KATNAL1: variants seen among roughly 807,000 people sequenced by gnomAD.
KATNAL1 encodes the protein katanin p60 ATPase-containing subunit A-like 1.
KATNAL1 carries 32 observed loss-of-function variants against 55.2 expected under a neutral mutation model. That is an observed-to-expected ratio of 0.58 (90% confidence interval 0.44 to 0.78). The LOEUF (loss-of-function observed/expected upper bound fraction) is 0.78. KATNAL1 is among the 30% of genes least tolerant of loss of function. KATNAL1 has a pLI of 0.00. For synonymous variants in KATNAL1, 193 were observed against 193.6 expected, an observed-to-expected ratio of 1.00 and a Z score of 0.02; for missense variants, 466 against 600.9, an observed-to-expected ratio of 0.78 and a Z score of 2.35.
At chr13:30,224,647 A>G (rs1291810541) in intron 9 of KATNAL1, among the ~76,000 whole-genome samples, 1 of 152,176 alleles carries the variant, frequency 6.6e-6, no homozygotes, top group Non-Finnish European at 1.5e-5. Context: ...AATTTTTTTA[A>G]CAGAGAAGAA....
chr13:30,217,529 G>A (rs746474366), intron 9 of KATNAL1, among the ~76,000 whole-genome samples: 3 of 152,184 alleles, frequency 2.0e-5, no homozygotes, highest in Non-Finnish European at 4.4e-5. Context: ...TAATCATAGT[G>A]TAACAAACTG....
intron 8 of KATNAL1, among the ~76,000 whole-genome samples, chr13:30,228,148 G>A (rs1209042496): frequency 6.6e-6 from 1 of 152,000 alleles, no homozygotes; most frequent in Non-Finnish European, 1.5e-5. Context: ...TATATACACA[G>A]TGTCTCCTTT....
intron 3 of KATNAL1, among the ~76,000 whole-genome samples, chr13:30,272,575 C>T (rs1379441624): frequency 2.6e-5 from 4 of 152,070 alleles, no homozygotes; most frequent in African/African-American, 9.7e-5. Flanking sequence ...TGACTTACCA[C>T]TATCTTGTTC....
chr13:30,269,103 C>G (rs1593917553), intron 3 of KATNAL1, among the ~76,000 whole-genome samples: 1 of 152,092 alleles, frequency 6.6e-6, no homozygotes, highest in South Asian at 2.1e-4. Flanking sequence ...CTCTCTCCCT[C>G]TCTTTCCATG....
intron 4 of KATNAL1, among the ~76,000 whole-genome samples, chr13:30,254,906 GA>G (rs1200024907): frequency 2.0e-5 from 3 of 151,970 alleles, no homozygotes. Flanking sequence ...AATTTCCACC[GA>G]ATACTATGTT....
intron 6 of KATNAL1, among the ~76,000 whole-genome samples, chr13:30,232,998 T>G (rs1327971508): frequency 6.6e-6 from 1 of 152,074 alleles, no homozygotes; most frequent in Non-Finnish European, 1.5e-5. Flanking sequence ...GTTAAAAACC[T>G]CAAACTATGA....
intron 1 of KATNAL1, among the ~76,000 whole-genome samples, chr13:30,305,217 C>A (rs941042063): frequency 6.6e-6 from 1 of 152,164 alleles, no homozygotes; most frequent in Non-Finnish European, 1.5e-5. Context: ...AATATGGTGC[C>A]AAGTACTTTA....
At chr13:30,212,137 AG>A (rs35182464) in intron 9 of KATNAL1, among the ~76,000 whole-genome samples, 1 of 151,908 alleles carries the variant, frequency 6.6e-6, no homozygotes, top group Non-Finnish European at 1.5e-5. Context: ...CAATGACCTC[AG>A]GGAAGTATTC....
At chr13:30,241,872 G>C (rs1877314507) in intron 4 of KATNAL1, among the ~76,000 whole-genome samples, 2 of 152,130 alleles carry the variant, frequency 1.3e-5, no homozygotes, top group South Asian at 4.1e-4. Context: ...CAAGCCACTA[G>C]GTAAGTGACC....
At chr13:30,224,156 ATAG>A (rs1481223693) in intron 9 of KATNAL1, among the ~76,000 whole-genome samples, 1 of 152,194 alleles carries the variant, frequency 6.6e-6, no homozygotes, top group Non-Finnish European at 1.5e-5. Flanking sequence ...TTCTAACTTA[ATAG>A]TAGAAAAAAT....
rs1261260832 is a variant in KATNAL1 at position 30,230,515 on chromosome 13, T to C, written c.965A>G (p.His322Arg). 1.2e-6 allele frequency: 2 copies of C among 1,613,256 alleles called. No homozygotes were observed. The highest frequency in any genetic ancestry group is 2.2e-5 in the East Asian group (1 of 44,858). ...AGACTTGACCCTGCGACTTGCCTCA[T>C]GTTCATCAGAGGTTCCTCTTCGACT... is the stretch of plus-strand genomic sequence containing the variant. ...ICSRRGTSDE[H>R]EASRRVKSEL... Residue 322 changes from histidine (H) to arginine (R), a missense_variant, in exon 8 of 11, where the codon CAT becomes CGT. Around this residue, in one of 3 missense-constraint regions of KATNAL1, gnomAD observed 213 missense variants for 308.6 expected, o/e 0.69. Coordinates refer to ENST00000380615, the MANE Select transcript of KATNAL1 (RefSeq NM_032116.5).
chr13:30,243,107 T>C (rs1238876350), intron 4 of KATNAL1, among the ~76,000 whole-genome samples: 1 of 152,224 alleles, frequency 6.6e-6, no homozygotes, highest in African/African-American at 2.4e-5. Context: ...CCTTAGATTT[T>C]CATATGAGTT....
chr13:30,209,917 A>G (rs112210020), intron 10 of KATNAL1, among the ~76,000 whole-genome samples: 8,455 of 151,990 alleles, frequency 0.056, 385 homozygotes, highest in African/African-American at 0.12. Flanking sequence ...GAGTAGCTGG[A>G]ACTACAGGTG....
chr13:30,243,338 A>G (rs1262665157), intron 4 of KATNAL1, among the ~76,000 whole-genome samples: 1 of 152,214 alleles, frequency 6.6e-6, no homozygotes, highest in East Asian at 1.9e-4. Context: ...AATTAATGAT[A>G]TAGTTTGCCC....
In KATNAL1 at chr13:30,304,643, G is replaced by A. The variant is rs181312923; in HGVS notation, c.-15+2688C>T. ...TTTTCTACTCATTACTCCAATGTGAGCTGGTCCATTCTCCCTTGTAGCTTT... is the reference window on the plus strand; with the variant it reads ...TTTTCTACTCATTACTCCAATGTGAACTGGTCCATTCTCCCTTGTAGCTTT... On this transcript the variant is annotated intron_variant, in intron 1 of 10. Transcript: ENST00000380615. Among the ~76,000 whole-genome samples the A allele has an allele frequency of 2.2e-3, 333 of 152,210 alleles. 1 individual carries two copies. The highest frequency in any genetic ancestry group is 3.2e-3 in the Non-Finnish European group (216 of 68,016).
At chr13:30,271,886 A>C (rs1880399377) in intron 3 of KATNAL1, among the ~76,000 whole-genome samples, 1 of 150,586 alleles carries the variant, frequency 6.6e-6, no homozygotes, top group East Asian at 1.9e-4. Flanking sequence ...AGGAAAAAAA[A>C]AAAAAAAAAA....
intron 4 of KATNAL1, among the ~76,000 whole-genome samples, chr13:30,246,273 G>C (rs1363683712): frequency 6.6e-6 from 1 of 152,160 alleles, no homozygotes; most frequent in East Asian, 1.9e-4. Flanking sequence ...TGACAAACCT[G>C]ACAAAAACAA....
intron 1 of KATNAL1, among the ~76,000 whole-genome samples, chr13:30,293,832 C>T (rs573351901): frequency 6.6e-6 from 1 of 152,248 alleles, no homozygotes; most frequent in South Asian, 2.1e-4. Context: ...GCAAGTCTAC[C>T]GGTGCCATTT....
intron 1 of KATNAL1, among the ~76,000 whole-genome samples, chr13:30,288,116 T>C (rs1881911979): frequency 3.3e-5 from 5 of 152,304 alleles, no homozygotes; most frequent in Admixed American, 2.6e-4. Context: ...CAATCACAAA[T>C]GTTCATACAT....
Sources: allele counts gnomAD v4.1 joint callset (sites outside exome capture counted in the v4.1 genomes callset), GRCh38; gene constraint gnomAD v4.1.1; regional missense constraint gnomAD v4.1.1; transcripts MANE v1.5; gene names NCBI Gene and HGNC (gene_info 2026-07-23, HGNC 2026-07-21).